Variants in KCNMB3 observed in about 807,000 individuals in gnomAD.
The protein encoded by KCNMB3 is potassium calcium-activated channel subfamily M regulatory beta subunit 3, also known as calcium-activated potassium channel subunit beta-3.
KCNMB3 carries 18 observed loss-of-function variants against 11.9 expected under a neutral mutation model. The observed-to-expected ratio is 1.51, with a 90% confidence interval of 1.04 to 2.23. The LOEUF is 2.23. Ranked by LOEUF, KCNMB3 falls within the 30% of genes most tolerant of loss-of-function variation. The pLI is 0.00. For synonymous variants in KCNMB3, 78 were observed against 119.2 expected (o/e 0.65, Z 2.25); for missense variants, 247 against 329.4 (o/e 0.75, Z 1.94).
At chr3:179,248,727 CAAAA>C (rs543706677) in intron 1 of KCNMB3, among the ~76,000 whole-genome samples, 30 of 80,266 alleles carry the variant, frequency 3.7e-4, no homozygotes, top group African/African-American at 1.6e-3. Flanking sequence ...CACCCTGCTT[CAAAA>C]AAAAAAAAAA....
At chr3:179,254,396 T>C (rs898770281), upstream of KCNMB3, among the ~76,000 whole-genome samples, 1 of 152,256 alleles carries the variant, frequency 6.6e-6, no homozygotes, top group Non-Finnish European at 1.5e-5. Flanking sequence ...ACCTGGGTAA[T>C]ACAAAAATCT....
At chr3:179,239,902 A>G, downstream of KCNMB3, 1 of 747,222 alleles carries the variant, frequency 1.3e-6, no homozygotes. Flanking sequence ...ATGTGTTACT[A>G]TATTGAGAAT....
At chr3:179,265,806 TCTCTC>T (rs1726356871) in intron 1 of KCNMB3, among the ~76,000 whole-genome samples, 1 of 152,160 alleles carries the variant, frequency 6.6e-6, no homozygotes, top group South Asian at 2.1e-4. Context: ...GCATCACTCT[TCTCTC>T]CATTTTGGTT....
chr3:179,261,045 C>T, intron 1 of KCNMB3: 2 of 1,021,820 alleles, frequency 2.0e-6, no homozygotes, highest in Non-Finnish European at 3.1e-6. Context: ...CCCAGAAAGG[C>T]CAGCGTGGCT....
At chr3:179,263,795 CTTTTCTTTTTTTTTTTT>C (rs1239611738) in intron 1 of KCNMB3, among the ~76,000 whole-genome samples, 62 of 110,092 alleles carry the variant, frequency 5.6e-4, no homozygotes, top group Admixed American at 6.9e-4. Context: ...TTTTCTTTTT[CTTTTCTTTTTTTTTTTT>C]TTTTTTTTTT....
At chr3:179,263,795 C>CTTT (rs1181078403) in intron 1 of KCNMB3, among the ~76,000 whole-genome samples, 1 of 110,092 alleles carries the variant, frequency 9.1e-6, no homozygotes, top group African/African-American at 3.6e-5. Flanking sequence ...TTTTCTTTTT[C>CTTT]TTTTCTTTTT....
At chr3:179,241,481 G>A (rs1212553918), downstream of KCNMB3, 1 of 154,304 alleles carries the variant, frequency 6.5e-6, no homozygotes, top group African/African-American at 2.4e-5. Context: ...GAAATTAATT[G>A]CTAAAAGGGA....
chr3:179,252,605 ACTT>A (rs898971567), upstream of KCNMB3, among the ~76,000 whole-genome samples: 136 of 151,980 alleles, frequency 8.9e-4, no homozygotes, highest in African/African-American at 3.0e-3. Context: ...CATGGTTAAC[ACTT>A]CTTTGGGACC....
rs1560154373 is a variant in KCNMB3, at chr3:179,244,560, G to A, written c.382C>T (p.Leu128Phe). Residue 128 changes from leucine to phenylalanine, a missense_variant, in exon 2 of 3, where the codon CTC (leucine) becomes TTC (phenylalanine). Transcript: ENST00000392685. The part of the protein sequence containing the change: ...KYPCLQVFVN[L>F]SHPGQKALLH... ...AGAGCTTTCTGACCTGGATGGCTGA[G>A]GTTCACAAACACCTGAAGACACGGG... 1 of 1,614,154 alleles carries A rather than the reference G, an allele frequency of 6.2e-7. No individual in the cohort carries two copies. The highest frequency in any genetic ancestry group is 1.1e-5 in the South Asian group (1 of 91,078).
chr3:179,239,955 G>C (rs754188481), downstream of KCNMB3: 1 of 1,240,316 alleles, frequency 8.1e-7, no homozygotes, highest in South Asian at 1.4e-5. Flanking sequence ...CCTCTTCCCA[G>C]TCTTGCTGTT....
rs1560160647 is a variant in KCNMB3, at chr3:179,259,100, C to T, written c.62+7549G>A. The T allele has an allele frequency of 8.8e-6, 14 of 1,593,314 alleles. No individual in the cohort carries two copies. The Admixed American group carries it at 2.1e-4, about 24-fold the overall frequency. On this transcript the variant is annotated intron_variant, in intron 1 of 3. Coordinates refer to the KCNMB3 transcript ENST00000349697. Reference sequence around the variant, plus strand: ...CTTCTCTGCTTTCTGGATTGAAGTCCCCCGGCTCTCCTCCTGGTGCCAACA... The same window carrying T: ...CTTCTCTGCTTTCTGGATTGAAGTCTCCCGGCTCTCCTCCTGGTGCCAACA...
rs747778185 is a variant in KCNMB3, at chr3:179,250,874, T to C, written c.117A>G (p.Leu39=). 1.9e-6 allele frequency: 3 copies of C among 1,614,026 alleles called. No homozygotes were observed. Among genetic ancestry groups the C allele is most frequent in the Admixed American group, 1.7e-5 (1 of 60,006 alleles). ...RETDYSDGDP[L]DVHKRLPSSA... is the part of the protein sequence containing the mutation. ...TGGATGGCAGCCTCTTGTGCACATC[T>C]AGTGGGTCTCCATCACTGTAGTCTG... is the stretch of plus-strand genomic sequence containing the variant. Residue 39 remains leucine (L), a synonymous_variant, in exon 1 of 3, where the codon CTA becomes CTG. Coordinates refer to ENST00000392685, the MANE Select transcript of KCNMB3 (RefSeq NM_171830.2).
At position 179,244,627 on chromosome 3, in the gene KCNMB3, A is replaced by G. The variant is rs774203465; in HGVS notation, c.315T>C (p.Cys105=). 11 of 1,614,030 alleles carry G rather than the reference A, an allele frequency of 6.8e-6. No individual in the cohort carries two copies. The South Asian group carries it at 1.2e-4, about 18-fold the overall frequency. The stretch of plus-strand genomic sequence containing the variant: ...GGCAGTGCACACCACAGGTGAAGGC[A>G]CAGTCCAGCCAGTCGTCCATGATAT... The part of the protein sequence containing the change: ...HTDIMDDWLD[C]AFTCGVHCHG... Residue 105 remains cysteine, a synonymous_variant, in exon 2 of 3, where the codon TGT becomes TGC. Transcript: ENST00000392685.
At chr3:179,247,340 C>CAT (rs34820544) in intron 1 of KCNMB3, among the ~76,000 whole-genome samples, 15,718 of 147,470 alleles carry the variant, frequency 0.11, 921 homozygotes, top group African/African-American at 0.16. Context: ...ACATGTAATG[C>CAT]ATATATATAT....
chr3:179,261,477 G>T (rs1209644772), intron 1 of KCNMB3, among the ~76,000 whole-genome samples: 2 of 151,796 alleles, frequency 1.3e-5, no homozygotes, highest in Non-Finnish European at 2.9e-5. Flanking sequence ...CAGCCGGCAG[G>T]GGCGGGGCGT....
At chr3:179,259,801 T>C in intron 1 of KCNMB3, 2 of 1,603,964 alleles carry the variant, frequency 1.2e-6, no homozygotes, top group Non-Finnish European at 1.7e-6. Flanking sequence ...TCTGGCTCTT[T>C]CATATCTGAG....
intron 1 of KCNMB3, among the ~76,000 whole-genome samples, chr3:179,245,428 A>T (rs1275899388): frequency 6.6e-6 from 1 of 151,934 alleles, no homozygotes; most frequent in Non-Finnish European, 1.5e-5. Flanking sequence ...GCTATATCCA[A>T]TTCATCCGTA....
At chr3:179,263,044 G>A (rs776486716) in intron 1 of KCNMB3, among the ~76,000 whole-genome samples, 3 of 152,244 alleles carry the variant, frequency 2.0e-5, no homozygotes, top group Non-Finnish European at 4.4e-5. Context: ...AGTCCTGTGC[G>A]TGTGCCCGCA....
At chr3:179,258,182 G>A (rs558917895) in intron 1 of KCNMB3, among the ~76,000 whole-genome samples, 13 of 152,132 alleles carry the variant, frequency 8.5e-5, no homozygotes, top group Admixed American at 2.6e-4. Context: ...CACCACACCC[G>A]GCCAAAAACA....
Sources: gnomAD v4.1 joint callset for allele counts (sites outside exome capture counted in the v4.1 genomes callset) on GRCh38, gnomAD v4.1.1 for gene constraint, MANE v1.5 for transcripts, NCBI Gene and HGNC (gene_info 2026-07-23, HGNC 2026-07-21) for gene names.